Variants in PSMD3 observed in about 807,000 individuals in gnomAD.
The protein encoded by PSMD3 is proteasome 26S subunit, non-ATPase 3, also known as 26S proteasome non-ATPase regulatory subunit 3.
Under a neutral mutation model 62.8 loss-of-function variants are expected in PSMD3, and 5 were observed. The ratio of observed to expected loss-of-function variants is 0.08; its 90% CI spans 0.04 to 0.17. The LOEUF (loss-of-function observed/expected upper bound fraction) is 0.17, where lower values mean the gene tolerates loss of function less well. PSMD3 is among the 10% of genes least tolerant of loss of function. PSMD3 has a pLI of 1.00. For missense variants in PSMD3, 524 were observed against 713.6 expected, an observed-to-expected ratio of 0.73 and a Z score of 3.03; for synonymous variants, 265 against 283.9, an observed-to-expected ratio of 0.93 and a Z score of 0.67.
chr17:39,994,585 GTT>G (rs1980735823), intron 6 of PSMD3: 1 of 278,532 alleles, frequency 3.6e-6, no homozygotes, highest in Non-Finnish European at 7.0e-6. Context: ...GCTGACACAC[GTT>G]CCGTTCTCCA....
At position 39,995,582 on chromosome 17, in the gene PSMD3, A is replaced by C; in HGVS notation, c.1320+55A>C. The C allele has an allele frequency of 1.6e-4, 246 of 1,505,894 alleles. No individual in the cohort carries two copies. Among genetic ancestry groups the C allele is most frequent in the Non-Finnish European group, 2.1e-4 (230 of 1,082,684 alleles). The allele number at this position is 1,505,894 out of a possible 1,614,324, so 93.3% of individuals were successfully genotyped here. On this transcript the variant is annotated intron_variant, in intron 9 of 11. Coordinates refer to ENST00000264639, the MANE Select transcript of PSMD3 (RefSeq NM_002809.4). This position sits in a 1 kb window ranked among gnomAD's most constrained non-coding sequence, Gnocchi z 4.1. Reference sequence around the variant, plus strand: ...AGGTTGTCACTTTCCTGCCAATCTCAGGAGGCAGGAGTGGGAGGAGTTTGG... The same window carrying C: ...AGGTTGTCACTTTCCTGCCAATCTCCGGAGGCAGGAGTGGGAGGAGTTTGG...
intron 1 of PSMD3, among the ~76,000 whole-genome samples, 170 bp from the exon 2 acceptor site, chr17:39,984,124 C>T (rs1980459781): frequency 7.0e-6 from 1 of 143,574 alleles, no homozygotes. Flanking sequence ...GGTGTGAACC[C>T]AGCAGGCAGA....
Position 39,996,209 on chromosome 17 carries a change from C to T in PSMD3, c.1347C>T (p.Ala449=). The T allele has an allele frequency of 1.2e-6, 2 of 1,614,016 alleles. No individual in the cohort carries two copies. The highest frequency in any genetic ancestry group is 1.7e-6 in the Non-Finnish European group (2 of 1,179,986). The change falls in exon 10 of 12, where the codon GCC becomes GCT. Residue 449 remains alanine (A), a synonymous_variant. Coordinates refer to ENST00000264639, the MANE Select transcript of PSMD3 (RefSeq NM_002809.4). The surrounding 1 kb of genome is among the most constrained non-coding windows in gnomAD (Gnocchi z 5.1). The part of the protein sequence containing the change: ...AKAIRDGVIE[A]SINHEKGYVQ... ...CCATCCGGGATGGTGTCATTGAGGC[C>T]AGCATCAACCACGAGAAGGGCTATG...
chr17:39,984,513 G>A (rs766932094), intron 2 of PSMD3, 29 bp downstream of exon 2: 3 of 1,566,046 alleles, frequency 1.9e-6, no homozygotes, highest in South Asian at 2.3e-5. Flanking sequence ...CTTAAAGGGT[G>A]CAGGCCTGGC....
chr17:39,996,072 T>G lies in PSMD3; in HGVS notation c.1321-111T>G. On this transcript the variant is annotated intron_variant, in intron 9 of 11. Transcript: ENST00000264639. The surrounding 1 kb of genome is among the most constrained non-coding windows in gnomAD (Gnocchi z 5.1). Reference sequence around the variant, plus strand: ...AGGTAAAGGTTGCAGTGAGCTGAGATCGCACCACCGCACTCTCCTGCCTGG... The same window carrying G: ...AGGTAAAGGTTGCAGTGAGCTGAGAGCGCACCACCGCACTCTCCTGCCTGG... The G allele has an allele frequency of 7.4e-7, 1 of 1,342,670 alleles. No homozygotes were observed. The allele number at this position is 1,342,670 out of a possible 1,614,324, so 83.2% of individuals were successfully genotyped here. A position where few individuals can be genotyped will look rare whatever the true frequency, so the allele number is the denominator to read the frequency against.
At chr17:39,988,385 AC>A (rs1235579689) in intron 3 of PSMD3, among the ~76,000 whole-genome samples, 13 of 152,158 alleles carry the variant, frequency 8.5e-5, no homozygotes, top group African/African-American at 3.1e-4. Flanking sequence ...TTCAAGGTTG[AC>A]CCATGTTGTA....
chr17:39,988,444 C>T (rs758160460), intron 3 of PSMD3, among the ~76,000 whole-genome samples: 8 of 152,140 alleles, frequency 5.3e-5, no homozygotes, highest in Non-Finnish European at 8.8e-5. Flanking sequence ...AATATTCCCT[C>T]GTGTGGATGT....
At position 39,995,729 on chromosome 17, in the gene PSMD3, G is replaced by A; in HGVS notation, c.1320+202G>A. On this transcript the variant is annotated intron_variant, in intron 9 of 11. Coordinates refer to ENST00000264639, the MANE Select transcript of PSMD3 (RefSeq NM_002809.4). The surrounding 1 kb of genome is among the most constrained non-coding windows in gnomAD (Gnocchi z 4.1). ...TGCATGTGAGTGTGTGAGTGTAGGT[G>A]TGTGCACATGTTGAGTTTATGATAG... 1.7e-6 allele frequency: 1 copy of A among 603,096 alleles called. No individual in the cohort carries two copies. The highest frequency in any genetic ancestry group is 3.0e-6 in the Non-Finnish European group (1 of 336,656). 37.4% of individuals were successfully genotyped at this position (603,096 alleles called of 1,614,324 possible). A position where few individuals can be genotyped will look rare whatever the true frequency, so the allele number is the denominator to read the frequency against.
intron 6 of PSMD3, 91 bp from the exon 7 acceptor site, chr17:39,994,863 A>C: frequency 8.9e-7 from 1 of 1,120,648 alleles, no homozygotes; most frequent in Middle Eastern, 2.2e-4. Context: ...CCTGTTTCCC[A>C]CTACATCTGG....
chr17:39,980,907 C>T lies in PSMD3; in HGVS notation c.-64C>T, dbSNP rs949460734. 9.3e-5 allele frequency: 128 copies of T among 1,380,452 alleles called. No homozygotes were observed. The Middle Eastern group carries it at 1.1e-3, about 11-fold the overall frequency. The allele number at this position is 1,380,452 out of a possible 1,614,324, so 85.5% of individuals were successfully genotyped here. On this transcript the variant is annotated 5_prime_UTR_variant, in exon 1 of 12. Coordinates refer to ENST00000264639, the MANE Select transcript of PSMD3 (RefSeq NM_002809.4). ...CAGGCCCGGCTCGGCTCCTGGTCCC[C>T]GGTGCGAGGGTTAACGCGAGGCCCC... is the stretch of plus-strand genomic sequence containing the variant.
chr17:39,987,387 T>A (rs991825005), intron 3 of PSMD3, among the ~76,000 whole-genome samples: 5 of 152,208 alleles, frequency 3.3e-5, no homozygotes, highest in Non-Finnish European at 5.9e-5. Flanking sequence ...TGGGTCTTGC[T>A]TTGTTGCCCA....
chr17:39,986,042 T>G lies in PSMD3; in HGVS notation c.412-533T>G, dbSNP rs60180657. On this transcript the variant is annotated intron_variant, in intron 2 of 11. Coordinates refer to ENST00000264639, the MANE Select transcript of PSMD3 (RefSeq NM_002809.4). ...CATTATGTTGTGTAAAGAAATTTTTTGTTCTCCTGTAACACTTTATTGTGT... is the reference window on the plus strand; with the variant it reads ...CATTATGTTGTGTAAAGAAATTTTTGGTTCTCCTGTAACACTTTATTGTGT... Among the ~76,000 whole-genome samples the G allele has an allele frequency of 5.9e-5, 9 of 152,316 alleles. 1 individual carries two copies. In the East Asian group the frequency reaches 1.7e-3, roughly 29 times the overall value.
intron 2 of PSMD3, among the ~76,000 whole-genome samples, chr17:39,986,344 C>T (rs1446321932): frequency 6.6e-6 from 1 of 152,178 alleles, no homozygotes; most frequent in Non-Finnish European, 1.5e-5. Context: ...CATTCTCCTG[C>T]CTCAGCCTTC....
At chr17:39,993,591 T>C (rs1206697206) in intron 6 of PSMD3, 1 of 152,406 alleles carries the variant, frequency 6.6e-6, no homozygotes. Flanking sequence ...TTGAATTGTC[T>C]GCACATCTTC....
intron 3 of PSMD3, among the ~76,000 whole-genome samples, chr17:39,987,149 A>G (rs1980545046): frequency 6.6e-6 from 1 of 152,232 alleles, no homozygotes; most frequent in South Asian, 2.1e-4. Context: ...GCATATAGTA[A>G]GCTTTCGTGA....
chr17:39,989,623 T>A, intron 4 of PSMD3, 116 bp from the exon 5 acceptor site: 1 of 1,042,310 alleles, frequency 9.6e-7, no homozygotes, highest in Non-Finnish European at 1.4e-6. Flanking sequence ...ATTCAGCAAA[T>A]AACCAGAAAA....
In PSMD3 at chr17:39,997,792, A is replaced by C. The variant is rs1481535655; in HGVS notation, c.*211A>C. The stretch of plus-strand genomic sequence containing the variant: ...CTGTACAGCAGGCAGGAGGGTGGGC[A>C]GGCAACCTCCCCGGGCAGGGTCCTG... On this transcript the variant is annotated 3_prime_UTR_variant, in exon 12 of 12. Coordinates refer to ENST00000264639, the MANE Select transcript of PSMD3 (RefSeq NM_002809.4). 2 of 611,200 alleles carry C rather than the reference A, an allele frequency of 3.3e-6. No individual in the cohort carries two copies. Among genetic ancestry groups the C allele is most frequent in the South Asian group, 3.9e-5 (2 of 51,148 alleles). 37.9% of individuals were successfully genotyped at this position (611,200 alleles called of 1,614,324 possible).
intron 6 of PSMD3, among the ~76,000 whole-genome samples, chr17:39,992,393 G>A (rs1054874091): frequency 6.6e-6 from 1 of 152,072 alleles, no homozygotes; most frequent in African/African-American, 2.4e-5. Flanking sequence ...CACCTTTGCC[G>A]TACCCCTGTC....
At position 39,995,465 on chromosome 17, in the gene PSMD3, G is replaced by A. The variant is rs765405766; in HGVS notation, c.1258G>A (p.Ala420Thr). The A allele has an allele frequency of 2.5e-6, 4 of 1,613,970 alleles. No individual in the cohort carries two copies. The highest frequency in any genetic ancestry group is 3.4e-6 in the Non-Finnish European group (4 of 1,179,998). The change falls in exon 9 of 12, where the codon GCT (alanine) becomes ACT (threonine). Residue 420 changes from alanine to threonine, a missense_variant. Transcript: ENST00000264639. The surrounding 1 kb of genome is among the most constrained non-coding windows in gnomAD (Gnocchi z 4.1). ...CCTCTCCTATTCCCGAATCTCCTTGGCTGACATCGCCCAGAAGCTGCAGTT... is the reference window on the plus strand; with the variant it reads ...CCTCTCCTATTCCCGAATCTCCTTGACTGACATCGCCCAGAAGCTGCAGTT... ...ISLSYSRISL[A>T]DIAQKLQLDS...
Sources: allele counts gnomAD v4.1 joint callset (sites outside exome capture counted in the v4.1 genomes callset), GRCh38; gene constraint gnomAD v4.1.1; non-coding constraint Gnocchi (gnomAD v3.1); transcripts MANE v1.5; gene names NCBI Gene and HGNC (gene_info 2026-07-23, HGNC 2026-07-21).